The following GSE1 variants were observed in gnomAD, a reference collection of about 807,000 sequenced individuals.
GSE1 encodes the protein genetic suppressor element 1.
GSE1 carries 32 observed loss-of-function variants against 112.6 expected under a neutral mutation model. The observed-to-expected ratio is 0.28, with a 90% CI of 0.21 to 0.38. The LOEUF (loss-of-function observed/expected upper bound fraction) is 0.38, where lower values mean the gene tolerates loss of function less well. Ranked by LOEUF, GSE1 falls within the 10% of genes least tolerant of loss-of-function variation. The probability of loss-of-function intolerance (pLI) is 1.00; values close to 1 mark genes in which losing one functional copy is unlikely to be tolerated. For synonymous variants in GSE1, 1,115 were observed against 735.6 expected (o/e 1.52, Z -8.35); for missense variants, 2,348 against 1,699.2 (o/e 1.38, Z -6.71).
In GSE1 at chr16:85,544,111, A is replaced by T. The variant is rs1375477065; in HGVS notation, c.2465-89803A>T. Among the ~76,000 whole-genome samples the T allele has an allele frequency of 2.0e-5, 3 of 152,298 alleles. No homozygotes were observed. In the East Asian group the frequency reaches 5.8e-4, roughly 29 times the overall value. ...CGGCTTCCCACAGTGTTGGGATTAC[A>T]GGCGTGAGCCACTGCGCCAGCCTGT... On this transcript the variant is annotated intron_variant, in intron 2 of 2. Transcript: ENST00000637419.
intron 2 of GSE1, among the ~76,000 whole-genome samples, chr16:85,643,997 T>C (rs1354028600): frequency 6.6e-6 from 1 of 151,946 alleles, no homozygotes; most frequent in African/African-American, 2.4e-5. Flanking sequence ...GGGAACACCC[T>C]GGGTTTGGGC....
At position 85,224,301 on chromosome 16, in the gene GSE1, C is replaced by CAAAAAAAA. The variant is rs55755242; in HGVS notation, c.2283+52517_2283+52524dup. ...TGAAACCCTATCTCTACTAAAAATA[C>CAAAAAAAA]AAAAAAAAAAAAAAAAAAAAAAAAA... On this transcript the variant is annotated intron_variant, in intron 1 of 2. Transcript: ENST00000637419. Among the ~76,000 whole-genome samples the CAAAAAAAA allele has an allele frequency of 1.4e-3, 55 of 38,808 alleles. 5 individuals are homozygous for CAAAAAAAA. Among genetic ancestry groups the CAAAAAAAA allele is most frequent in the African/African-American group, 3.4e-3 (31 of 9,216 alleles). The allele number at this position is 38,808 out of a possible 152,430, so 25.5% of individuals were successfully genotyped here.
chr16:85,494,448 G>A (rs994881709), intron 2 of GSE1, among the ~76,000 whole-genome samples: 1 of 133,520 alleles, frequency 7.5e-6, no homozygotes, highest in African/African-American at 3.1e-5. Flanking sequence ...TCCAAATAAG[G>A]TCACCTTTTT....
rs569965161 is a variant in GSE1, at chr16:85,307,890, A to G, written c.2284-49573A>G. Among the ~76,000 whole-genome samples, 106 of 152,350 alleles carry G rather than the reference A, an allele frequency of 7.0e-4. No homozygotes were observed. In the South Asian group the frequency reaches 7.7e-3, roughly 11 times the overall value. On this transcript the variant is annotated intron_variant, in intron 1 of 2. Transcript: ENST00000637419. The stretch of plus-strand genomic sequence containing the variant: ...CGCCCCAGGAGCCGGGGGAAAGGTC[A>G]GACTTTCTGTGAGTTCAGTTAATCC...
intron 2 of GSE1, among the ~76,000 whole-genome samples, chr16:85,393,637 C>T (rs540395520): frequency 6.6e-6 from 1 of 152,360 alleles, no homozygotes; most frequent in South Asian, 2.1e-4. Context: ...AGGTCTGCAA[C>T]CTTCTGGAAC....
At chr16:85,331,164 A>T (rs887848109) in intron 1 of GSE1, among the ~76,000 whole-genome samples, 6 of 149,086 alleles carry the variant, frequency 4.0e-5, no homozygotes, top group Non-Finnish European at 8.9e-5. Flanking sequence ...TTATTTATTT[A>T]TTTTTTGAGA....
intron 1 of GSE1, among the ~76,000 whole-genome samples, chr16:85,239,888 C>T (rs530941232): frequency 6.6e-6 from 1 of 152,358 alleles, no homozygotes; most frequent in South Asian, 2.1e-4. Flanking sequence ...TGATTTGCCA[C>T]CTTAGGTCTG....
intron 1 of GSE1, among the ~76,000 whole-genome samples, chr16:85,181,459 G>A (rs1442260372): frequency 1.3e-5 from 2 of 152,198 alleles, no homozygotes; most frequent in African/African-American, 2.4e-5. Flanking sequence ...TCTGGGAGGC[G>A]ATGCAGCCCT....
intron 1 of GSE1, among the ~76,000 whole-genome samples, chr16:85,180,513 A>G (rs189058166): frequency 4.4e-4 from 67 of 152,398 alleles, no homozygotes; most frequent in Middle Eastern, 3.4e-3. Flanking sequence ...AGCAGAGGGC[A>G]TTGATAGCAT....
chr16:85,598,167 GTTTTT>G (rs973836177), intron 1 of GSE1, among the ~76,000 whole-genome samples: 1 of 71,546 alleles, frequency 1.4e-5, no homozygotes, highest in Non-Finnish European at 2.7e-5. Flanking sequence ...AGGTTTGGTT[GTTTTT>G]TTTTTTTTTT....
rs374093725 is a variant in GSE1 at position 85,300,991 on chromosome 16, G to A, written c.2284-56472G>A. 1.3e-4 allele frequency among the ~76,000 whole-genome samples: 20 copies of A among 152,252 alleles called. 1 individual carries two copies. The East Asian group carries it at 3.1e-3, about 24-fold the overall frequency. ...GTGGGGGTGTGGGATGGCAGCATTCGGCCACAGGGTCCAGTGTGTTCCCTC... is the reference window on the plus strand; with the variant it reads ...GTGGGGGTGTGGGATGGCAGCATTCAGCCACAGGGTCCAGTGTGTTCCCTC... On this transcript the variant is annotated intron_variant, in intron 1 of 2. Transcript: ENST00000637419.
chr16:85,419,501 G>A lies in GSE1; in HGVS notation c.2464+61858G>A, dbSNP rs377572950. 7.9e-5 allele frequency among the ~76,000 whole-genome samples: 12 copies of A among 152,140 alleles called. No individual in the cohort carries two copies. Among genetic ancestry groups the A allele is most frequent in the African/African-American group, 1.4e-4 (6 of 41,514 alleles). On this transcript the variant is annotated intron_variant, in intron 2 of 2. Transcript: ENST00000637419. The surrounding 1 kb of genome is among the most constrained non-coding windows in gnomAD (Gnocchi z 6.5). ...CACATCTGTGGTCCTAGCTACTCGG[G>A]AGGCTGAGGTGGGAGGATCGCCTGA...
upstream of GSE1, among the ~76,000 whole-genome samples, chr16:85,554,411 T>C (rs1030295676): frequency 6.6e-6 from 1 of 152,168 alleles, no homozygotes; most frequent in Non-Finnish European, 1.5e-5. Context: ...GTTACTATGG[T>C]GCAGCCGGGG....
intron 2 of GSE1, among the ~76,000 whole-genome samples, chr16:85,377,080 T>C (rs764672148): frequency 7.2e-5 from 11 of 152,216 alleles, no homozygotes; most frequent in Admixed American, 1.3e-4. Flanking sequence ...TTATTTTTTA[T>C]TGTAAGCCTG....
intron 2 of GSE1, among the ~76,000 whole-genome samples, chr16:85,505,015 A>G (rs936559098): frequency 3.0e-5 from 3 of 99,148 alleles, no homozygotes; most frequent in East Asian, 3.5e-4. Context: ...GTGCACACAC[A>G]TGTGCACGCA....
intron 2 of GSE1, among the ~76,000 whole-genome samples, chr16:85,471,013 G>C (rs941937569): frequency 2.6e-5 from 4 of 152,212 alleles, no homozygotes; most frequent in African/African-American, 9.7e-5. Context: ...GGAGGAGGGC[G>C]CTGGGGGCTC....
intron 1 of GSE1, among the ~76,000 whole-genome samples, chr16:85,249,343 C>T (rs563147245): frequency 6.6e-6 from 1 of 152,292 alleles, no homozygotes; most frequent in African/African-American, 2.4e-5. Flanking sequence ...GGCATGGGGC[C>T]CAGGAGGGAT....
chr16:85,409,242 C>A (rs1254029419), intron 2 of GSE1, among the ~76,000 whole-genome samples: 4 of 37,710 alleles, frequency 1.1e-4, no homozygotes, highest in African/African-American at 1.7e-4. Flanking sequence ...TACTCTCAGG[C>A]CCCCCGGATA....
chr16:85,224,030 A>G (rs1022841879), intron 1 of GSE1, among the ~76,000 whole-genome samples: 1 of 152,038 alleles, frequency 6.6e-6, no homozygotes, highest in Non-Finnish European at 1.5e-5. Flanking sequence ...CCCCAGCCCC[A>G]TTATCAGCAC....
Sources: allele counts gnomAD v4.1 joint callset (sites outside exome capture counted in the v4.1 genomes callset), GRCh38; gene constraint gnomAD v4.1.1; non-coding constraint Gnocchi (gnomAD v3.1); transcripts MANE v1.5; gene names NCBI Gene and HGNC (gene_info 2026-07-23, HGNC 2026-07-21).